The following FRMD4B variants were observed in gnomAD, a reference collection of about 807,000 sequenced individuals.
FRMD4B encodes FERM domain containing 4B.
In FRMD4B, 74 loss-of-function variants were observed where a neutral mutation model predicts 141.5. That is an observed-to-expected ratio of 0.52 (90% CI 0.43 to 0.63). The LOEUF (loss-of-function observed/expected upper bound fraction) is 0.63, where lower values mean the gene tolerates loss of function less well. FRMD4B is among the 30% of genes least tolerant of loss of function. The probability of loss-of-function intolerance (pLI) is 0.00; values close to 1 mark genes in which losing one functional copy is unlikely to be tolerated. For synonymous variants in FRMD4B, 506 were observed against 467.9 expected (o/e 1.08, Z -1.05); for missense variants, 1,366 against 1,253.4 (o/e 1.09, Z -1.36).
chr3:69,193,328 G>C (rs1430309167), intron 17 of FRMD4B, among the ~76,000 whole-genome samples: 1 of 152,090 alleles, frequency 6.6e-6, no homozygotes, highest in Non-Finnish European at 1.5e-5. Context: ...GACCGAGATG[G>C]TGAAACCCTA....
chr3:69,433,864 C>T (rs760256829), intron 1 of FRMD4B, among the ~76,000 whole-genome samples: 1 of 152,124 alleles, frequency 6.6e-6, no homozygotes, highest in Non-Finnish European at 1.5e-5. Context: ...TCCTCATGAT[C>T]TCTCAGTGAA....
intron 2 of FRMD4B, among the ~76,000 whole-genome samples, chr3:69,397,905 A>T (rs756318889): frequency 6.6e-6 from 1 of 152,218 alleles, no homozygotes; most frequent in Non-Finnish European, 1.5e-5. Context: ...TTACCAAAAA[A>T]AGAGAGGTAA....
In FRMD4B at chr3:69,280,774, C is replaced by G. The variant is rs531477218; in HGVS notation, c.501+6978G>C. Among the ~76,000 whole-genome samples the G allele has an allele frequency of 1.2e-3, 188 of 151,942 alleles. 1 individual carries two copies. The highest frequency in any genetic ancestry group is 4.3e-3 in the African/African-American group (179 of 41,448). On this transcript the variant is annotated intron_variant, in intron 5 of 22. Coordinates refer to ENST00000398540, the MANE Select transcript of FRMD4B (RefSeq NM_015123.3). ...TAGCTGGACCATAGGTACATGTCAC[C>G]AAGCCTGGCTAATTTTTGTATTTTT...
chr3:69,245,806 G>A (rs2093421269), intron 7 of FRMD4B, among the ~76,000 whole-genome samples: 1 of 149,732 alleles, frequency 6.7e-6, no homozygotes, highest in South Asian at 2.1e-4. Context: ...TGGGACTACA[G>A]GCGTCTGCGA....
At chr3:69,307,004 C>A (rs1054705017) in intron 3 of FRMD4B, among the ~76,000 whole-genome samples, 2 of 152,122 alleles carry the variant, frequency 1.3e-5, no homozygotes, top group Admixed American at 1.3e-4. Context: ...CAGGCCCGCT[C>A]CCCAGAAAGG....
At chr3:69,283,713 C>T (rs1400349241) in intron 5 of FRMD4B, among the ~76,000 whole-genome samples, 5 of 152,144 alleles carry the variant, frequency 3.3e-5, no homozygotes, top group Admixed American at 1.3e-4. Flanking sequence ...GTTTATGAAA[C>T]GTGTTCCTGA....
At chr3:69,354,763 C>T (rs532902675) in intron 1 of FRMD4B, among the ~76,000 whole-genome samples, 1 of 152,092 alleles carries the variant, frequency 6.6e-6, no homozygotes, top group Non-Finnish European at 1.5e-5. Context: ...TCTTCAGATC[C>T]TTCTAAAGAC....
At chr3:69,488,811 C>A (rs571766879) in intron 1 of FRMD4B, among the ~76,000 whole-genome samples, 2 of 147,240 alleles carry the variant, frequency 1.4e-5, no homozygotes, top group Non-Finnish European at 1.5e-5. Flanking sequence ...GAGAATCACT[C>A]GAACCCAGAA....
intron 1 of FRMD4B, among the ~76,000 whole-genome samples, chr3:69,322,633 G>A (rs112213839): frequency 0.024 from 2,873 of 122,234 alleles, 87 homozygotes; most frequent in African/African-American, 0.086. Flanking sequence ...GTCTTGCTCT[G>A]TTGCCCAGGC....
At chr3:69,309,941 C>T (rs1391538415) in intron 3 of FRMD4B, among the ~76,000 whole-genome samples, 2 of 152,092 alleles carry the variant, frequency 1.3e-5, no homozygotes, top group Admixed American at 6.6e-5. Flanking sequence ...TATGTGTGTG[C>T]GTGTTCAATC....
At chr3:69,471,249 CT>C (rs1164713493) in intron 1 of FRMD4B, among the ~76,000 whole-genome samples, 1 of 152,090 alleles carries the variant, frequency 6.6e-6, no homozygotes. Flanking sequence ...TCCTTGTCAA[CT>C]GGATAACTTC....
intron 8 of FRMD4B, among the ~76,000 whole-genome samples, chr3:69,222,169 A>G (rs1324030125): frequency 6.6e-6 from 1 of 151,948 alleles, no homozygotes; most frequent in Non-Finnish European, 1.5e-5. Flanking sequence ...ATATATTACT[A>G]CCTTTAAAAC....
chr3:69,535,087 T>A (rs80321620), intron 1 of FRMD4B, among the ~76,000 whole-genome samples: 2,072 of 152,292 alleles, frequency 0.014, 52 homozygotes, highest in African/African-American at 0.047. Context: ...TAGGAATTCT[T>A]ATAATCCCCA....
chr3:69,484,186 T>C (rs1706176801), intron 1 of FRMD4B, among the ~76,000 whole-genome samples: 1 of 152,178 alleles, frequency 6.6e-6, no homozygotes, highest in African/African-American at 2.4e-5. Context: ...AGATTACAAA[T>C]ACAAGGAGTG....
At chr3:69,322,426 C>T (rs570180760) in intron 1 of FRMD4B, among the ~76,000 whole-genome samples, 2 of 152,234 alleles carry the variant, frequency 1.3e-5, no homozygotes, top group East Asian at 3.9e-4. Flanking sequence ...TCCCAATGTG[C>T]AATCACTGGA....
At chr3:69,424,723 T>C (rs1168440180) in intron 2 of FRMD4B, among the ~76,000 whole-genome samples, 1 of 152,204 alleles carries the variant, frequency 6.6e-6, no homozygotes. Context: ...GTAAGATATA[T>C]GTTGACTACC....
intron 1 of FRMD4B, among the ~76,000 whole-genome samples, chr3:69,496,636 A>AG (rs1706399214): frequency 1.3e-3 from 157 of 118,194 alleles, no homozygotes; most frequent in East Asian, 3.4e-3. Flanking sequence ...AGAGAGAGAG[A>AG]AAGAGAGAGA....
At chr3:69,496,094 G>A (rs772926901) in intron 1 of FRMD4B, among the ~76,000 whole-genome samples, 9 of 151,942 alleles carry the variant, frequency 5.9e-5, no homozygotes, top group African/African-American at 1.5e-4. Context: ...TTAATCTTCC[G>A]TATCATCTAA....
intron 1 of FRMD4B, among the ~76,000 whole-genome samples, chr3:69,505,383 C>CA (rs745727287): frequency 3.1e-4 from 47 of 151,092 alleles, no homozygotes; most frequent in Non-Finnish European, 5.5e-4. Context: ...ATCTCAAAAA[C>CA]AAAAAACAAA....
Sources: allele counts gnomAD v4.1 joint callset (sites outside exome capture counted in the v4.1 genomes callset), GRCh38; gene constraint gnomAD v4.1.1; transcripts MANE v1.5; gene names NCBI Gene and HGNC (gene_info 2026-07-23, HGNC 2026-07-21).